CFAP221: variants seen among roughly 807,000 people sequenced by gnomAD.
CFAP221 encodes the protein cilia- and flagella-associated protein 221.
A neutral mutation model predicts 113.1 loss-of-function variants in CFAP221; 97 were observed. The observed-to-expected ratio is 0.86, with a 90% CI of 0.73 to 1.02. CFAP221 has a LOEUF of 1.02. Ranked by LOEUF, CFAP221 falls within the 50% of genes least tolerant of loss-of-function variation. The probability of loss-of-function intolerance (pLI) is 0.00; values close to 1 mark genes in which losing one functional copy is unlikely to be tolerated. For missense variants in CFAP221, 1,025 were observed against 1,013.4 expected (o/e 1.01, Z -0.16); for synonymous variants, 331 against 354.4 (o/e 0.93, Z 0.74).
chr2:119,551,437 TA>T (rs1680418894), intron 3 of CFAP221, among the ~76,000 whole-genome samples: 1 of 152,226 alleles, frequency 6.6e-6, no homozygotes, highest in Non-Finnish European at 1.5e-5. Flanking sequence ...TATTTTGAGT[TA>T]ATTTTTATGT....
chr2:119,656,161 T>G, intron 23 of CFAP221: 1 of 527,938 alleles, frequency 1.9e-6, no homozygotes, highest in Non-Finnish European at 3.4e-6. Context: ...CTGATGCAGC[T>G]GAGGCCAGAA....
intron 7 of CFAP221, among the ~76,000 whole-genome samples, chr2:119,598,049 A>G (rs1035829717): frequency 1.3e-5 from 2 of 152,202 alleles, no homozygotes; most frequent in South Asian, 2.1e-4. Flanking sequence ...TTCTGCCTCA[A>G]TAACACCTTA....
intron 2 of CFAP221, among the ~76,000 whole-genome samples, chr2:119,548,414 T>TTA (rs1680196145): frequency 6.6e-6 from 1 of 152,204 alleles, no homozygotes; most frequent in African/African-American, 2.4e-5. Context: ...ACAAAGCACT[T>TTA]ACATAGAGTG....
chr2:119,597,416 G>A (rs977122319), intron 7 of CFAP221, among the ~76,000 whole-genome samples: 5 of 152,208 alleles, frequency 3.3e-5, no homozygotes, highest in East Asian at 1.9e-4. Flanking sequence ...TGAATCGAAA[G>A]CATTGCTAGA....
Position 119,652,037 on chromosome 2 carries a change from T to C in CFAP221, c.2382T>C (p.Pro794=). Residue 794 remains proline (P), a synonymous_variant, in exon 23 of 24, where the codon CCT becomes CCC. Transcript: ENST00000413369. ...CAGAAATGATCAAAGTGGAATTCCC[T>C]ATGTTGAACTACAAGGACATCAGGA... is the stretch of plus-strand genomic sequence containing the variant. ...LTPEMIKVEF[P]MLNYKDIRKE... The C allele has an allele frequency of 6.2e-7, 1 of 1,613,312 alleles. No individual in the cohort carries two copies. Among genetic ancestry groups the C allele is most frequent in the East Asian group, 2.2e-5 (1 of 44,832 alleles).
chr2:119,589,406 C>T (rs1320385337), intron 7 of CFAP221, among the ~76,000 whole-genome samples: 1 of 152,248 alleles, frequency 6.6e-6, no homozygotes, highest in Non-Finnish European at 1.5e-5. Context: ...GCTGGACAGT[C>T]TTGGATGGCT....
chr2:119,593,980 C>T (rs1683776973), intron 7 of CFAP221, among the ~76,000 whole-genome samples: 1 of 152,210 alleles, frequency 6.6e-6, no homozygotes, highest in African/African-American at 2.4e-5. Context: ...ACACCTTCCA[C>T]CAGGCCCCAC....
chr2:119,637,354 A>C (rs1488944251), intron 19 of CFAP221, among the ~76,000 whole-genome samples: 1 of 152,008 alleles, frequency 6.6e-6, no homozygotes, highest in Non-Finnish European at 1.5e-5. Context: ...GCCCTCCCCT[A>C]CCTTGCATCT....
At chr2:119,634,458 C>A (rs976182827) in intron 19 of CFAP221, among the ~76,000 whole-genome samples, 1 of 152,062 alleles carries the variant, frequency 6.6e-6, no homozygotes, top group Non-Finnish European at 1.5e-5. Context: ...CAAAACAAGA[C>A]CGTGTTTCAA....
At position 119,549,193 on chromosome 2, in the gene CFAP221, CT is replaced by C; in HGVS notation, c.240+13del. On this transcript the variant is annotated intron_variant, in intron 3 of 23. Coordinates refer to ENST00000413369, the MANE Select transcript of CFAP221 (RefSeq NM_001271049.2). ...CAACACCAACAGATTCTGGTAGGTACTTTTTAAATGGGATAATTAATCATCA... is the reference window on the plus strand; with the variant it reads ...CAACACCAACAGATTCTGGTAGGTACTTTTAAATGGGATAATTAATCATCA... 6.7e-7 allele frequency: 1 copy of C among 1,498,560 alleles called. No individual in the cohort carries two copies. The highest frequency in any genetic ancestry group is 2.1e-5 in the Admixed American group (1 of 47,344). 92.8% of individuals were successfully genotyped at this position (1,498,560 alleles called of 1,614,324 possible). A position where few individuals can be genotyped will look rare whatever the true frequency, so the allele number is the denominator to read the frequency against.
At chr2:119,544,614 A>G (rs1448601088) in intron 1 of CFAP221, 104 bp downstream of exon 1, 1 of 152,284 alleles carries the variant, frequency 6.6e-6, no homozygotes, top group Non-Finnish European at 1.5e-5. Flanking sequence ...TCCAGCCGCA[A>G]GTCGGCCGCG....
intron 22 of CFAP221, 141 bp from the exon 23 acceptor site, chr2:119,651,833 T>G: frequency 1.8e-6 from 1 of 557,342 alleles, no homozygotes; most frequent in Non-Finnish European, 3.1e-6. Flanking sequence ...ATGCTTCTTT[T>G]AATGTAAACA....
chr2:119,656,528 G>A lies in CFAP221; in HGVS notation c.*58G>A. The A allele has an allele frequency of 2.4e-6, 3 of 1,232,534 alleles. No homozygotes were observed. Among genetic ancestry groups the A allele is most frequent in the South Asian group, 1.3e-5 (1 of 78,810 alleles). The allele number at this position is 1,232,534 out of a possible 1,614,324, so 76.3% of individuals were successfully genotyped here. A position where few individuals can be genotyped will look rare whatever the true frequency, so the allele number is the denominator to read the frequency against. ...TTTCCGTGGGCCACTGTGGCCCCTT[G>A]CGTCCATTTACATGCCAGCCATCTC... is the stretch of plus-strand genomic sequence containing the variant. On this transcript the variant is annotated 3_prime_UTR_variant, in exon 24 of 24. Coordinates refer to ENST00000413369, the MANE Select transcript of CFAP221 (RefSeq NM_001271049.2).
At chr2:119,636,317 A>G (rs1687111668) in intron 19 of CFAP221, among the ~76,000 whole-genome samples, 2 of 152,188 alleles carry the variant, frequency 1.3e-5, no homozygotes, top group South Asian at 2.1e-4. Flanking sequence ...AACAATATCA[A>G]AGGAAAATTG....
rs151309786 is a variant in CFAP221, at chr2:119,583,161, G to T, written c.528-3958G>T. 1.6e-4 allele frequency among the ~76,000 whole-genome samples: 24 copies of T among 151,702 alleles called. No homozygotes were observed. The East Asian group carries it at 4.6e-3, about 29-fold the overall frequency. On this transcript the variant is annotated intron_variant, in intron 6 of 23. Transcript: ENST00000413369. ...TAACGAAAAGAAAACTCATTAATTG[G>T]GAAAAAAAAGCTTAGAAATAGACAA...
intron 16 of CFAP221, 109 bp from the exon 17 acceptor site, chr2:119,629,766 C>G (rs1355214649): frequency 2.4e-6 from 2 of 832,992 alleles, no homozygotes; most frequent in Non-Finnish European, 3.7e-6. Context: ...GGAGGAGTTG[C>G]TCTGAGAGTA....
chr2:119,649,464 AG>A lies in CFAP221; in HGVS notation c.2318+2416del, dbSNP rs567029848. 3.9e-5 allele frequency among the ~76,000 whole-genome samples: 6 copies of A among 152,294 alleles called. No individual in the cohort carries two copies. In the South Asian group the frequency reaches 1.0e-3, roughly 26 times the overall value. ...TTTTCTGTTTCTTTGACATCTGCAA[AG>A]GTTCTTAGGTCTAGTTTAGTGAGAC... On this transcript the variant is annotated intron_variant, in intron 22 of 23. Coordinates refer to ENST00000413369, the MANE Select transcript of CFAP221 (RefSeq NM_001271049.2).
At chr2:119,603,079 T>C (rs981674022) in intron 8 of CFAP221, among the ~76,000 whole-genome samples, 1 of 152,240 alleles carries the variant, frequency 6.6e-6, no homozygotes, top group African/African-American at 2.4e-5. Flanking sequence ...CTAGCTGTAG[T>C]TTCTGAACAG....
At chr2:119,551,072 A>G (rs963662977) in intron 3 of CFAP221, among the ~76,000 whole-genome samples, 9 of 152,236 alleles carry the variant, frequency 5.9e-5, no homozygotes, top group African/African-American at 2.2e-4. Flanking sequence ...AAGTCATAGC[A>G]TGTAGCAGTA....
Sources: gnomAD v4.1 joint callset for allele counts (sites outside exome capture counted in the v4.1 genomes callset) on GRCh38, gnomAD v4.1.1 for gene constraint, MANE v1.5 for transcripts, NCBI Gene and HGNC (gene_info 2026-07-23, HGNC 2026-07-21) for gene names.